Variants in STMN3 observed in about 807,000 individuals in gnomAD.
The protein encoded by STMN3 is stathmin 3.
In STMN3, 24 loss-of-function variants were observed where a neutral mutation model predicts 23.2. The observed-to-expected ratio is 1.03, with a 90% CI of 0.75 to 1.45. STMN3 has a LOEUF of 1.45. Ranked by LOEUF, STMN3 falls within the 40% of genes most tolerant of loss-of-function variation. STMN3 has a pLI of 0.00. For synonymous variants in STMN3, 117 were observed against 103.4 expected (o/e 1.13, Z -0.80); for missense variants, 235 against 237.6 (o/e 0.99, Z 0.07).
chr20:63,647,987 T>G (rs773555788), intron 1 of STMN3, among the ~76,000 whole-genome samples: 1 of 98,528 alleles, frequency 1.0e-5, no homozygotes, highest in African/African-American at 4.5e-5. Context: ...TATACATATA[T>G]ATATACAGAG....
chr20:63,653,240 C>T, intron 1 of STMN3, 87 bp downstream of exon 1: 2 of 1,486,602 alleles, frequency 1.3e-6, no homozygotes, highest in South Asian at 1.2e-5. Context: ...AATTGGCGTC[C>T]GCTGCCGGCC....
At chr20:63,644,543 C>T (rs771305278) in intron 1 of STMN3, among the ~76,000 whole-genome samples, 8 of 152,196 alleles carry the variant, frequency 5.3e-5, no homozygotes, top group Non-Finnish European at 1.0e-4. Context: ...TCGCCCTCTG[C>T]CTCTCCCCGC....
intron 3 of STMN3, 65 bp downstream of exon 3, chr20:63,643,691 G>C: frequency 6.8e-7 from 1 of 1,469,058 alleles, no homozygotes; most frequent in Non-Finnish European, 8.9e-7. Flanking sequence ...GCTTCTTGCA[G>C]GCCCTGTCCC....
intron 1 of STMN3, among the ~76,000 whole-genome samples, chr20:63,647,699 A>ATATAC (rs1491134603): frequency 1.5e-5 from 2 of 129,506 alleles, no homozygotes; most frequent in Non-Finnish European, 3.3e-5. Flanking sequence ...GTATATATAT[A>ATATAC]ATATATATAC....
chr20:63,651,561 G>A (rs1000440240), intron 1 of STMN3, among the ~76,000 whole-genome samples: 1 of 152,196 alleles, frequency 6.6e-6, no homozygotes, highest in African/African-American at 2.4e-5. Flanking sequence ...CAGCCGATTT[G>A]CCTTTCCCTG....
At chr20:63,645,336 G>C (rs1370833994) in intron 1 of STMN3, among the ~76,000 whole-genome samples, 3 of 151,774 alleles carry the variant, frequency 2.0e-5, no homozygotes, top group African/African-American at 7.3e-5. Flanking sequence ...GATGAAACCA[G>C]GCCCTCTCCA....
Position 63,652,015 on chromosome 20 carries a change from C to T in STMN3, c.19+1312G>A, listed in dbSNP as rs1459062026. On this transcript the variant is annotated intron_variant, in intron 1 of 4. Transcript: ENST00000370053. This position sits in a 1 kb window ranked among gnomAD's most constrained non-coding sequence, Gnocchi z 5.3. ...GGAGTCCCCTCCGCTGAGAGCCCCC[C>T]CACCCCCAGTATCCCCGGGGGTGTC... The T allele has an allele frequency of 1.3e-5, 2 of 152,438 alleles. No individual in the cohort carries two copies. The highest frequency in any genetic ancestry group is 6.5e-5 in the Admixed American group (1 of 15,282). 9.4% of individuals were successfully genotyped at this position (152,438 alleles called of 1,614,324 possible). A position where few individuals can be genotyped will look rare whatever the true frequency, so the allele number is the denominator to read the frequency against.
At chr20:63,650,448 G>A (rs1376189836) in intron 1 of STMN3, among the ~76,000 whole-genome samples, 8 of 108,822 alleles carry the variant, frequency 7.4e-5, no homozygotes, top group South Asian at 3.3e-4. Flanking sequence ...CCCTCCCGCC[G>A]TCCAGGTGGA....
Position 63,643,596 on chromosome 20 carries a change from C to A in STMN3, c.291+160G>T, listed in dbSNP as rs574827776. 3.1e-6 allele frequency: 3 copies of A among 980,890 alleles called. No homozygotes were observed. In the East Asian group the frequency reaches 3.4e-4, roughly 112 times the overall value. The allele number at this position is 980,890 out of a possible 1,614,324, so 60.8% of individuals were successfully genotyped here. On this transcript the variant is annotated intron_variant, in intron 3 of 4. Coordinates refer to ENST00000370053, the MANE Select transcript of STMN3 (RefSeq NM_015894.4). ...ACACCCGGCCTCTCCCCATCCCATTCTTATCTCTCAGAAAGAGGCCCAGGG... is the reference window on the plus strand; with the variant it reads ...ACACCCGGCCTCTCCCCATCCCATTATTATCTCTCAGAAAGAGGCCCAGGG...
At position 63,652,789 on chromosome 20, in the gene STMN3, C is replaced by G. The variant is rs2089870859; in HGVS notation, c.19+538G>C. ...TGTGGGGGGAGGGCGCGGTCCCCCT[C>G]ACTCCGGGCTCCGCCGTGTCTGGCC... On this transcript the variant is annotated intron_variant, in intron 1 of 4. Coordinates refer to ENST00000370053, the MANE Select transcript of STMN3 (RefSeq NM_015894.4). The surrounding 1 kb of genome is among the most constrained non-coding windows in gnomAD (Gnocchi z 5.3). 5.1e-6 allele frequency: 5 copies of G among 985,552 alleles called. No individual in the cohort carries two copies. Among genetic ancestry groups the G allele is most frequent in the Non-Finnish European group, 6.0e-6 (5 of 830,016 alleles). 61.1% of individuals were successfully genotyped at this position (985,552 alleles called of 1,614,324 possible).
In STMN3 at chr20:63,644,428, G is replaced by A. The variant is rs868287025; in HGVS notation, c.20-119C>T. On this transcript the variant is annotated intron_variant, in intron 1 of 4. Transcript: ENST00000370053. The stretch of plus-strand genomic sequence containing the variant: ...TGTGAGACACGGAGCTGCCCAGCAC[G>A]CTCTCTTGTGTGTCTCCACACCGCC... The A allele has an allele frequency of 4.4e-4, 318 of 729,824 alleles. No homozygotes were observed. In the Middle Eastern group the frequency reaches 7.5e-3, roughly 17 times the overall value. The allele number at this position is 729,824 out of a possible 1,614,324, so 45.2% of individuals were successfully genotyped here. A position where few individuals can be genotyped will look rare whatever the true frequency, so the allele number is the denominator to read the frequency against.
At chr20:63,646,915 G>A (rs11907042) in intron 1 of STMN3, among the ~76,000 whole-genome samples, 38,423 of 150,896 alleles carry the variant, frequency 0.25, 5,471 homozygotes, top group African/African-American at 0.35. Context: ...CACCACACCC[G>A]GCTAATTTTT....
intron 3 of STMN3, among the ~76,000 whole-genome samples, chr20:63,642,837 C>A (rs1440084254): frequency 6.6e-6 from 1 of 152,156 alleles, no homozygotes; most frequent in African/African-American, 2.4e-5. Context: ...CAGCAGGACC[C>A]GCACCCACAT....
rs772621031 is a variant in STMN3, at chr20:63,643,800, C to T, written c.247G>A (p.Glu83Lys). ...GCCTCCAGCCGCTTTTGCAGCTCCTCCAGGGAGGTGTCCTTCTTCTTGGGT... is the reference window on the plus strand; with the variant it reads ...GCCTCCAGCCGCTTTTGCAGCTCCTTCAGGGAGGTGTCCTTCTTCTTGGGT... ...SPPKKKDTSL[E>K]ELQKRLEAAE... is the part of the protein sequence containing the mutation. The change falls in exon 3 of 5, where the codon GAG becomes AAG. Residue 83 changes from glutamate to lysine, a missense_variant. Coordinates refer to ENST00000370053, the MANE Select transcript of STMN3 (RefSeq NM_015894.4). 1.9e-6 allele frequency: 3 copies of T among 1,560,730 alleles called. No individual in the cohort carries two copies. In the Admixed American group the frequency reaches 6.6e-5, roughly 34 times the overall value.
rs766863112 is a variant in STMN3, at chr20:63,642,231, C to T, written c.360G>A (p.Lys120=). The T allele has an allele frequency of 9.6e-6, 15 of 1,561,942 alleles. No homozygotes were observed. In the African/African-American group the frequency reaches 2.1e-4, roughly 22 times the overall value. Residue 120 remains lysine (K), a synonymous_variant, in exon 4 of 5, where the codon AAG becomes AAA. Transcript: ENST00000370053. ...RREHEREVLH[K]ALEENNNFSR... The stretch of plus-strand genomic sequence containing the variant: ...TGAAGTTGTTATTCTCCTCCAGCGC[C>T]TTGTGCAGCACCTCGCGCTCGTGCT...
rs2089753714 is a variant in STMN3 at position 63,640,775 on chromosome 20, G to A, written c.*563C>T. On this transcript the variant is annotated 3_prime_UTR_variant, in exon 5 of 5. Coordinates refer to ENST00000370053, the MANE Select transcript of STMN3 (RefSeq NM_015894.4). ...CGCCAGGTGGTCTCAGAGGACCCCT[G>A]TGCAACCACATTAAGGAAAGCTGCA... 2.5e-5 allele frequency: 5 copies of A among 203,168 alleles called. No individual in the cohort carries two copies. In the South Asian group the frequency reaches 3.3e-4, roughly 13 times the overall value. 12.6% of individuals were successfully genotyped at this position (203,168 alleles called of 1,614,324 possible).
chr20:63,650,351 T>C (rs2089848405), intron 1 of STMN3, among the ~76,000 whole-genome samples: 1 of 152,166 alleles, frequency 6.6e-6, no homozygotes, highest in African/African-American at 2.4e-5. Flanking sequence ...GGATGATTCA[T>C]GAGCAGGAGT....
At chr20:63,647,753 ATAAT>A (rs1569069911) in intron 1 of STMN3, among the ~76,000 whole-genome samples, 1 of 126,582 alleles carries the variant, frequency 7.9e-6, no homozygotes, top group African/African-American at 2.8e-5. Context: ...GTGTATATAT[ATAAT>A]ATATATACAT....
Position 63,652,539 on chromosome 20 carries a change from G to A in STMN3, c.19+788C>T. 1 of 980,678 alleles carries A rather than the reference G, an allele frequency of 1.0e-6. No homozygotes were observed. The highest frequency in any genetic ancestry group is 1.2e-6 in the Non-Finnish European group (1 of 825,754). The allele number at this position is 980,678 out of a possible 1,614,324, so 60.7% of individuals were successfully genotyped here. On this transcript the variant is annotated intron_variant, in intron 1 of 4. Coordinates refer to ENST00000370053, the MANE Select transcript of STMN3 (RefSeq NM_015894.4). The surrounding 1 kb of genome is among the most constrained non-coding windows in gnomAD (Gnocchi z 5.3). ...GCCCGCCCCTCCGCCTGAGCTCCGC[G>A]CGGGACGGGCCGGGAGGCCGGGGTG...
Sources: gnomAD v4.1 joint callset for allele counts (sites outside exome capture counted in the v4.1 genomes callset) on GRCh38, gnomAD v4.1.1 for gene constraint, Gnocchi (gnomAD v3.1) non-coding constraint, MANE v1.5 for transcripts, NCBI Gene and HGNC (gene_info 2026-07-23, HGNC 2026-07-21) for gene names.